The following ST6GALNAC3 variants were observed in gnomAD, a reference collection of about 807,000 sequenced individuals.
ST6GALNAC3 encodes ST6 N-acetylgalactosaminide alpha-2,6-sialyltransferase 3.
ST6GALNAC3 carries 25 observed loss-of-function variants against 32.7 expected under a neutral mutation model. That is an observed-to-expected ratio of 0.76 (90% CI 0.56 to 1.07). ST6GALNAC3 has a LOEUF of 1.07. ST6GALNAC3 is among the 50% of genes least tolerant of loss of function. The pLI is 0.00. For synonymous variants in ST6GALNAC3, 129 were observed against 133.1 expected (o/e 0.97, Z 0.21); for missense variants, 355 against 382.4 (o/e 0.93, Z 0.60).
chr1:76,482,147 C>T (rs1225993492), intron 3 of ST6GALNAC3, among the ~76,000 whole-genome samples: 1 of 151,854 alleles, frequency 6.6e-6, no homozygotes, highest in Non-Finnish European at 1.5e-5. Context: ...TTTACACACA[C>T]ACACACACAC....
At chr1:76,256,273 A>G (rs1657914937) in intron 1 of ST6GALNAC3, among the ~76,000 whole-genome samples, 1 of 152,170 alleles carries the variant, frequency 6.6e-6, no homozygotes, top group African/African-American at 2.4e-5. Flanking sequence ...ATTCCTTGGA[A>G]TAGTCGTTTC....
chr1:76,426,138 C>T (rs1655365852), intron 3 of ST6GALNAC3, among the ~76,000 whole-genome samples: 1 of 151,714 alleles, frequency 6.6e-6, no homozygotes, highest in African/African-American at 2.4e-5. Context: ...ACAACACTCT[C>T]CCACCCCCAA....
At chr1:76,183,044 C>T (rs1172641599) in intron 1 of ST6GALNAC3, among the ~76,000 whole-genome samples, 1 of 152,030 alleles carries the variant, frequency 6.6e-6, no homozygotes, top group Non-Finnish European at 1.5e-5. Flanking sequence ...ATGTCTAATG[C>T]AGTTCTAATG....
Position 76,631,168 on chromosome 1 carries a change from A to T in ST6GALNAC3, c.*2362A>T. ...ATGTAGACTCCAGTGTTTTCTTAGGAGGGGTGGGAAAGGGCTTTCTTTCCT... is the reference window on the plus strand; with the variant it reads ...ATGTAGACTCCAGTGTTTTCTTAGGTGGGGTGGGAAAGGGCTTTCTTTCCT... On this transcript the variant is annotated 3_prime_UTR_variant, in exon 5 of 5. Transcript: ENST00000328299. The T allele has an allele frequency of 3.3e-5, 11 of 338,084 alleles. No homozygotes were observed. The highest frequency in any genetic ancestry group is 4.6e-5 in the Non-Finnish European group (11 of 238,750). The allele number at this position is 338,084 out of a possible 1,614,324, so 20.9% of individuals were successfully genotyped here.
chr1:76,439,956 AG>A (rs1387768352), intron 3 of ST6GALNAC3, among the ~76,000 whole-genome samples: 79 of 152,370 alleles, frequency 5.2e-4, no homozygotes, highest in African/African-American at 1.9e-3. Flanking sequence ...ATTGTAGTAA[AG>A]ATTAAATTAG....
intron 1 of ST6GALNAC3, among the ~76,000 whole-genome samples, chr1:76,255,610 A>G (rs930636020): frequency 6.6e-6 from 1 of 152,150 alleles, no homozygotes; most frequent in African/African-American, 2.4e-5. Flanking sequence ...TTTCAAATGC[A>G]CTTTGCTACA....
At chr1:76,209,641 C>T (rs1299938089) in intron 1 of ST6GALNAC3, among the ~76,000 whole-genome samples, 1 of 152,148 alleles carries the variant, frequency 6.6e-6, no homozygotes, top group Non-Finnish European at 1.5e-5. Flanking sequence ...CTTGAAGTGT[C>T]CCAAGATGAA....
At chr1:76,253,835 G>A (rs1657763581) in intron 1 of ST6GALNAC3, among the ~76,000 whole-genome samples, 1 of 152,054 alleles carries the variant, frequency 6.6e-6, no homozygotes, top group South Asian at 2.1e-4. Context: ...ATGGGTAGTT[G>A]GGCACAATCA....
chr1:76,468,206 G>C (rs568929607), intron 3 of ST6GALNAC3, among the ~76,000 whole-genome samples: 2 of 151,876 alleles, frequency 1.3e-5, no homozygotes, highest in South Asian at 4.1e-4. Context: ...AATGTTTTGA[G>C]TTCATAAAAT....
intron 1 of ST6GALNAC3, among the ~76,000 whole-genome samples, chr1:76,079,598 G>A (rs969006504): frequency 1.3e-5 from 2 of 152,156 alleles, no homozygotes; most frequent in Non-Finnish European, 2.9e-5. Context: ...TGATACGATA[G>A]ATGCATGACT....
chr1:76,111,752 G>C lies in ST6GALNAC3; in HGVS notation c.18+36868G>C, dbSNP rs1368209241. Among the ~76,000 whole-genome samples, 5 of 149,808 alleles carry C rather than the reference G, an allele frequency of 3.3e-5. 1 individual carries two copies. Among genetic ancestry groups the C allele is most frequent in the African/African-American group, 1.2e-4 (5 of 40,356 alleles). On this transcript the variant is annotated intron_variant, in intron 1 of 4. Transcript: ENST00000328299. ...ACATGTTTCAGAGAGCACAGGGTTG[G>C]GGGTAAGGTCACAGATCAACAGGAT...
chr1:76,474,881 A>G (rs1387909263), intron 3 of ST6GALNAC3, among the ~76,000 whole-genome samples: 1 of 152,174 alleles, frequency 6.6e-6, no homozygotes, highest in Non-Finnish European at 1.5e-5. Context: ...CTGCTTATGT[A>G]AAAATAAGAA....
chr1:76,602,822 G>A (rs1647296310), intron 3 of ST6GALNAC3, among the ~76,000 whole-genome samples: 1 of 151,702 alleles, frequency 6.6e-6, no homozygotes, highest in Non-Finnish European at 1.5e-5. Context: ...GCCACAGTAG[G>A]AGGAAATAAT....
chr1:76,254,915 G>A (rs939725789), intron 1 of ST6GALNAC3, among the ~76,000 whole-genome samples: 3 of 151,886 alleles, frequency 2.0e-5, no homozygotes, highest in African/African-American at 7.3e-5. Context: ...AAAAATGATT[G>A]GTTAACATCA....
chr1:76,211,378 C>T (rs1260123817), intron 1 of ST6GALNAC3, among the ~76,000 whole-genome samples: 4 of 152,112 alleles, frequency 2.6e-5, no homozygotes, highest in African/African-American at 7.2e-5. Context: ...GTCAGTGTGG[C>T]GATTCCTCAG....
At chr1:76,470,510 T>G (rs1024165394) in intron 3 of ST6GALNAC3, among the ~76,000 whole-genome samples, 1 of 152,102 alleles carries the variant, frequency 6.6e-6, no homozygotes, top group African/African-American at 2.4e-5. Flanking sequence ...TCCTTTTCAG[T>G]GGCAAGTTAA....
chr1:76,162,059 A>C (rs289696), intron 1 of ST6GALNAC3, among the ~76,000 whole-genome samples: 138,393 of 152,228 alleles, frequency 0.91, 64,320 homozygotes, highest in East Asian at 1. Context: ...ACTGTGCTCC[A>C]AAATCCTCTA....
chr1:76,281,490 G>C (rs575913401), intron 1 of ST6GALNAC3, among the ~76,000 whole-genome samples: 116 of 152,226 alleles, frequency 7.6e-4, no homozygotes, highest in Middle Eastern at 3.2e-3. Flanking sequence ...CCAGCAGTGT[G>C]CCTGCACTCC....
At chr1:76,180,008 G>A (rs2100456406) in intron 1 of ST6GALNAC3, among the ~76,000 whole-genome samples, 1 of 152,148 alleles carries the variant, frequency 6.6e-6, no homozygotes, top group African/African-American at 2.4e-5. Context: ...TTTCTTCACT[G>A]CACATTTCAT....
Sources: gnomAD v4.1 joint callset for allele counts (sites outside exome capture counted in the v4.1 genomes callset) on GRCh38, gnomAD v4.1.1 for gene constraint, MANE v1.5 for transcripts, NCBI Gene and HGNC (gene_info 2026-07-23, HGNC 2026-07-21) for gene names.